Variants in ERBB4 observed in about 807,000 individuals in gnomAD.
ERBB4 encodes the protein erb-b2 receptor tyrosine kinase 4.
ERBB4 carries 42 observed loss-of-function variants against 158.0 expected under a neutral mutation model. The observed-to-expected ratio is 0.27, with a 90% CI of 0.21 to 0.34. ERBB4 has a LOEUF of 0.34. Ranked by LOEUF, ERBB4 falls within the 10% of genes least tolerant of loss-of-function variation. ERBB4 has a pLI of 1.00. For missense variants in ERBB4, 1,333 were observed against 1,624.1 expected, an observed-to-expected ratio of 0.82 and a Z score of 3.08; for synonymous variants, 583 against 558.7, an observed-to-expected ratio of 1.04 and a Z score of -0.61.
chr2:211,523,677 T>C (rs2066253504), intron 20 of ERBB4, among the ~76,000 whole-genome samples: 1 of 152,008 alleles, frequency 6.6e-6, no homozygotes, highest in East Asian at 1.9e-4. Flanking sequence ...GGAGTGAAGC[T>C]GCAGACTTTC....
intron 19 of ERBB4, among the ~76,000 whole-genome samples, chr2:211,562,436 C>A (rs1471615624): frequency 6.6e-6 from 1 of 152,080 alleles, no homozygotes. Context: ...GGATTTTTAA[C>A]CTTTGACCTT....
At chr2:212,180,191 C>T (rs544348133) in intron 1 of ERBB4, among the ~76,000 whole-genome samples, 1 of 151,750 alleles carries the variant, frequency 6.6e-6, no homozygotes, top group African/African-American at 2.4e-5. Flanking sequence ...ATAATTGAAG[C>T]ACATAGTATA....
At chr2:212,200,900 T>C (rs1467273) in intron 1 of ERBB4, among the ~76,000 whole-genome samples, 143,233 of 152,196 alleles carry the variant, frequency 0.94, 67,452 homozygotes, top group Non-Finnish European at 0.95. Context: ...ATGGTCTACA[T>C]CAGAGTGAAT....
At chr2:211,531,648 G>A (rs183463571) in intron 20 of ERBB4, among the ~76,000 whole-genome samples, 3 of 152,150 alleles carry the variant, frequency 2.0e-5, no homozygotes, top group Admixed American at 1.3e-4. Context: ...ATATCCCAAA[G>A]ACAGACAATA....
chr2:211,545,954 C>T (rs1057356614), intron 20 of ERBB4, among the ~76,000 whole-genome samples: 3 of 151,968 alleles, frequency 2.0e-5, no homozygotes, highest in Admixed American at 1.3e-4. Flanking sequence ...AATCCTTGAC[C>T]GAGAGCCACT....
chr2:211,792,152 C>T (rs1385530095), intron 3 of ERBB4, among the ~76,000 whole-genome samples: 1 of 151,568 alleles, frequency 6.6e-6, no homozygotes, highest in Admixed American at 6.6e-5. Context: ...TATTGTAGTT[C>T]CTAATTTTAA....
intron 1 of ERBB4, among the ~76,000 whole-genome samples, chr2:212,202,406 T>A (rs1574423737): frequency 6.6e-6 from 1 of 152,232 alleles, no homozygotes; most frequent in Middle Eastern, 3.4e-3. Context: ...TGGAATGAAG[T>A]GGTACGATCA....
chr2:211,544,429 A>G (rs1275166290), intron 20 of ERBB4, among the ~76,000 whole-genome samples: 3 of 152,026 alleles, frequency 2.0e-5, no homozygotes, highest in Non-Finnish European at 4.4e-5. Flanking sequence ...TCGTAGAGTT[A>G]TACAATAGAG....
chr2:211,579,096 T>C (rs1197293834), intron 19 of ERBB4, among the ~76,000 whole-genome samples: 1 of 151,878 alleles, frequency 6.6e-6, no homozygotes, highest in Non-Finnish European at 1.5e-5. Context: ...ATTTAAACAA[T>C]TTTACAAGAA....
intron 5 of ERBB4, among the ~76,000 whole-genome samples, chr2:211,739,751 G>A (rs949053065): frequency 6.6e-6 from 1 of 152,208 alleles, no homozygotes; most frequent in Admixed American, 6.5e-5. Context: ...TTACAGGCGT[G>A]AGCCACTGCG....
At position 211,381,306 on chromosome 2, in the gene ERBB4, G is replaced by A. The variant is rs2125302384; in HGVS notation, c.*2309C>T. On this transcript the variant is annotated 3_prime_UTR_variant, in exon 28 of 28. Transcript: ENST00000342788. Reference sequence around the variant, plus strand: ...GACCACCATCTGCTTTTGGTTTAATGGTGAAGTTAGACTCTAGATAGGCTA... The same window carrying A: ...GACCACCATCTGCTTTTGGTTTAATAGTGAAGTTAGACTCTAGATAGGCTA... The A allele has an allele frequency of 4.3e-6, 1 of 232,320 alleles. No individual in the cohort carries two copies. The highest frequency in any genetic ancestry group is 1.3e-3 in the Middle Eastern group (1 of 780). The allele number at this position is 232,320 out of a possible 1,614,324, so 14.4% of individuals were successfully genotyped here.
chr2:212,199,216 C>T (rs554019059), intron 1 of ERBB4, among the ~76,000 whole-genome samples: 24 of 152,194 alleles, frequency 1.6e-4, no homozygotes, highest in African/African-American at 5.8e-4. Flanking sequence ...CTATTTACAA[C>T]CATTAACTCA....
intron 2 of ERBB4, among the ~76,000 whole-genome samples, chr2:212,081,980 T>C (rs1273209429): frequency 1.3e-5 from 2 of 152,146 alleles, no homozygotes; most frequent in African/African-American, 4.8e-5. Flanking sequence ...AAGAATTGGC[T>C]GTATTATTGT....
chr2:212,367,921 A>C (rs942325615), intron 1 of ERBB4, among the ~76,000 whole-genome samples: 1 of 152,080 alleles, frequency 6.6e-6, no homozygotes, highest in Non-Finnish European at 1.5e-5. Context: ...TAATCAAAAA[A>C]TCAAAAAACA....
chr2:211,953,759 A>T (rs189930583), intron 2 of ERBB4, among the ~76,000 whole-genome samples: 172 of 152,214 alleles, frequency 1.1e-3, no homozygotes, highest in Admixed American at 2.4e-3. Context: ...AGCCCAAGGG[A>T]CAATTTGTTT....
intron 3 of ERBB4, among the ~76,000 whole-genome samples, chr2:211,907,768 C>G (rs1383932394): frequency 6.6e-6 from 1 of 151,518 alleles, no homozygotes; most frequent in East Asian, 2.0e-4. Flanking sequence ...CTTTCTAGAA[C>G]CCACAAAACC....
At chr2:211,761,190 C>CAAA (rs58277006) in intron 4 of ERBB4, among the ~76,000 whole-genome samples, 26 of 89,846 alleles carry the variant, frequency 2.9e-4, no homozygotes, top group African/African-American at 7.7e-4. Context: ...TGAGATTCCT[C>CAAA]AAAAAAAAAA....
intron 2 of ERBB4, among the ~76,000 whole-genome samples, chr2:212,021,205 C>T (rs981119490): frequency 2.0e-5 from 3 of 151,982 alleles, no homozygotes; most frequent in Non-Finnish European, 4.4e-5. Flanking sequence ...AATAATTAGA[C>T]CTTTAGAATT....
chr2:212,038,869 T>C (rs1219722389), intron 2 of ERBB4, among the ~76,000 whole-genome samples: 1 of 152,150 alleles, frequency 6.6e-6, no homozygotes, highest in East Asian at 1.9e-4. Flanking sequence ...ACATCTTCTC[T>C]AGGGCATGAT....
Sources: allele counts gnomAD v4.1 joint callset (sites outside exome capture counted in the v4.1 genomes callset), GRCh38; gene constraint gnomAD v4.1.1; transcripts MANE v1.5; gene names NCBI Gene and HGNC (gene_info 2026-07-23, HGNC 2026-07-21).